Variants in CEP192 observed in about 807,000 individuals in gnomAD.
CEP192 encodes the protein centrosomal protein 192, also known as centrosomal protein of 192 kDa.
Under a neutral mutation model 271.8 loss-of-function variants are expected in CEP192, and 151 were observed. The observed-to-expected ratio is 0.56, with a 90% CI of 0.49 to 0.64. The LOEUF (loss-of-function observed/expected upper bound fraction) is 0.64. CEP192 is among the 30% of genes least tolerant of loss of function. The pLI, the probability that CEP192 is intolerant of heterozygous loss-of-function variation, is 0.00. For synonymous variants in CEP192, 995 were observed against 1,076.5 expected (o/e 0.92, Z 1.48); for missense variants, 2,910 against 3,020.5 (o/e 0.96, Z 0.86).
Position 13,005,773 on chromosome 18 carries a change from G to A in CEP192, c.291-2683G>A, listed in dbSNP as rs141947515. ...TCTCCTGGTGAGGGATGGCTTCTTT[G>A]ACCCCTTCTTGGGGAGGAGGGAATT... On this transcript the variant is annotated intron_variant, in intron 3 of 44. Transcript: ENST00000506447. 2.2e-4 allele frequency among the ~76,000 whole-genome samples: 34 copies of A among 152,312 alleles called. 1 individual carries two copies. The highest frequency in any genetic ancestry group is 7.7e-4 in the African/African-American group (32 of 41,568).
rs141710473 is a variant in CEP192 at position 13,087,286 on chromosome 18, A to G, written c.5877+9A>G. ...AGGAAAGAACACAAGAAGTAAGTAC[A>G]AAAGTTTCTGTGCTAAAAACATCAA... On this transcript the variant is annotated intron_variant, in intron 31 of 44. Transcript: ENST00000506447. The G allele has an allele frequency of 5.7e-4, 907 of 1,582,900 alleles. 8 individuals carry two copies. The African/African-American group carries it at 0.011, about 19-fold the overall frequency.
At chr18:13,096,911 A>G (rs1195677850) in intron 36 of CEP192, among the ~76,000 whole-genome samples, 2 of 152,218 alleles carry the variant, frequency 1.3e-5, no homozygotes, top group African/African-American at 4.8e-5. Context: ...GGAAAGCCAC[A>G]GTTCTGCAGC....
rs542416869 is a variant in CEP192, at chr18:13,059,228, G to A, written c.4404G>A (p.Ser1468=). The change falls in exon 21 of 45, where the codon TCG becomes TCA. Residue 1468 remains serine, a synonymous_variant. Coordinates refer to ENST00000506447, the MANE Select transcript of CEP192 (RefSeq NM_032142.4). ...TCAGTGTTGCTTCTTGGCCATGTTC[G>A]ACAGATGCTGAGACCATCGTACAGG... is the stretch of plus-strand genomic sequence containing the variant. ...CTFSVASWPC[S]TDAETIVQAE... 12 of 1,614,136 alleles carry A rather than the reference G, an allele frequency of 7.4e-6. No homozygotes were observed. In the Admixed American group the frequency reaches 8.3e-5, roughly 11 times the overall value.
rs148513661 is a variant in CEP192 at position 13,092,394 on chromosome 18, C to T, written c.6121C>T (p.Arg2041Ter). 1.3e-5 allele frequency: 21 copies of T among 1,595,336 alleles called. No homozygotes were observed. The highest frequency in any genetic ancestry group is 1.2e-4 in the South Asian group (11 of 88,250). Residue 2041 changes from arginine (R) to a stop codon, truncating the protein, a stop_gained, in exon 34 of 45, where the codon CGA (arginine) becomes TGA (stop). Coordinates refer to ENST00000506447, the MANE Select transcript of CEP192 (RefSeq NM_032142.4). LOFTEE classifies it high-confidence loss of function. ...TATTTCAGTATATGATCTTCCCCAA[C>T]GACCTAATGATGTTCAGCTCTTTTA... The part of the protein sequence containing the change: ...LVTEVYDLPQ[R>*]PNDVQLFYGS...
intron 36 of CEP192, among the ~76,000 whole-genome samples, chr18:13,097,645 TA>T: frequency 7.2e-6 from 1 of 138,400 alleles, no homozygotes; most frequent in African/African-American, 2.7e-5. Context: ...TTTTTTTAAC[TA>T]TTATTTTTTT....
chr18:13,068,223 A>C lies in CEP192; in HGVS notation c.4744A>C (p.Ser1582Arg), dbSNP rs377177481. 1.3e-5 allele frequency: 21 copies of C among 1,614,212 alleles called. No individual in the cohort carries two copies. The African/African-American group carries it at 2.1e-4, about 16-fold the overall frequency. ...PSVVNHMMPA[S>R]YDGQDPEFLM... is the part of the protein sequence containing the mutation. ...TGTGGTCAACCACATGATGCCTGCT[A>C]GTTATGATGGACAGGTGGGAGAGAA... Residue 1582 changes from serine to arginine, a missense_variant, in exon 23 of 45, where the codon AGT becomes CGT. By Grantham distance (110) the Ser-to-Arg change is moderately radical. Coordinates refer to ENST00000506447, the MANE Select transcript of CEP192 (RefSeq NM_032142.4).
In CEP192 at chr18:13,099,459, A is replaced by T. The variant is rs754181206; in HGVS notation, c.6558-17A>T. ...AATGCAGGCTCTTTTTAATTTTCTT[A>T]TTAATTTTTTTTAAAGGAGTAAACT... is the stretch of plus-strand genomic sequence containing the variant. On this transcript the variant is annotated splice_polypyrimidine_tract_variant and intron_variant, in intron 36 of 44. Transcript: ENST00000506447. 7.8e-7 allele frequency: 1 copy of T among 1,288,606 alleles called. No individual in the cohort carries two copies. Among genetic ancestry groups the T allele is most frequent in the Admixed American group, 2.1e-5 (1 of 46,628 alleles). The allele number at this position is 1,288,606 out of a possible 1,614,324, so 79.8% of individuals were successfully genotyped here.
At chr18:13,083,390 G>A (rs1019255789) in intron 30 of CEP192, among the ~76,000 whole-genome samples, 2 of 151,906 alleles carry the variant, frequency 1.3e-5, no homozygotes, top group African/African-American at 4.8e-5. Flanking sequence ...ATATCCTTTC[G>A]CCCACTTGAT....
intron 21 of CEP192, among the ~76,000 whole-genome samples, chr18:13,065,429 C>T (rs906739432): frequency 6.6e-6 from 1 of 152,060 alleles, no homozygotes; most frequent in Non-Finnish European, 1.5e-5. Context: ...AAAAATTGTT[C>T]ATTTTTTCCA....
intron 34 of CEP192, among the ~76,000 whole-genome samples, chr18:13,093,990 C>A (rs1259472290): frequency 1.3e-5 from 2 of 152,200 alleles, no homozygotes; most frequent in Non-Finnish European, 2.9e-5. Flanking sequence ...CTCTTTCTTA[C>A]CAATGACCTT....
In CEP192 at chr18:13,116,365, T is replaced by C; in HGVS notation, c.7290-12T>C. On this transcript the variant is annotated splice_polypyrimidine_tract_variant and intron_variant, in intron 42 of 44. Coordinates refer to ENST00000506447, the MANE Select transcript of CEP192 (RefSeq NM_032142.4). Reference sequence around the variant, plus strand: ...TTCAGATTCTTAACTTTTACACCTATTCCCAAAGCAGGCAGCTTGATGTGA... The same window carrying C: ...TTCAGATTCTTAACTTTTACACCTACTCCCAAAGCAGGCAGCTTGATGTGA... The C allele has an allele frequency of 6.2e-7, 1 of 1,610,544 alleles. No homozygotes were observed. Among genetic ancestry groups the C allele is most frequent in the East Asian group, 2.2e-5 (1 of 44,776 alleles).
intron 43 of CEP192, 72 bp downstream of exon 43, chr18:13,116,575 A>G: frequency 1.4e-6 from 2 of 1,388,300 alleles, no homozygotes; most frequent in African/African-American, 3.0e-5. Flanking sequence ...CATTTTCCTG[A>G]TGATTCTGTA....
intron 3 of CEP192, among the ~76,000 whole-genome samples, chr18:13,004,482 C>T (rs140305293): frequency 7.1e-4 from 108 of 152,174 alleles, no homozygotes; most frequent in African/African-American, 2.5e-3. Flanking sequence ...GGTAGGACTG[C>T]GGACAGTTCC....
chr18:13,044,412 G>A (rs530743450), intron 15 of CEP192, among the ~76,000 whole-genome samples: 1 of 148,270 alleles, frequency 6.7e-6, no homozygotes, highest in South Asian at 2.3e-4. Context: ...TTGATGCATG[G>A]TGTAAGGTTT....
intron 1 of CEP192, among the ~76,000 whole-genome samples, chr18:12,997,753 C>T (rs1188150595): frequency 6.6e-6 from 1 of 152,164 alleles, no homozygotes; most frequent in East Asian, 1.9e-4. Context: ...GGGATAGAGT[C>T]TCGCTCCATC....
At position 13,049,275 on chromosome 18, in the gene CEP192, T is replaced by C. The variant is rs781030631; in HGVS notation, c.2484T>C (p.Ser828=). ...AAGACATTCATCCGGTGGACTTAAG[T>C]GCTACTAGTGTAAGTGTGAGGGCAC... ...TTQDIHPVDL[S]ATSVSVRAPE... Residue 828 remains serine (S), a synonymous_variant, in exon 16 of 45, where the codon AGT becomes AGC. Coordinates refer to ENST00000506447, the MANE Select transcript of CEP192 (RefSeq NM_032142.4). The C allele has an allele frequency of 1.1e-5, 17 of 1,614,020 alleles. 1 individual carries two copies. In the Middle Eastern group the frequency reaches 4.9e-4, roughly 47 times the overall value.
At position 13,117,661 on chromosome 18, in the gene CEP192, C is replaced by CA. The variant is rs2040494386; in HGVS notation, c.7475+19dup. The CA allele has an allele frequency of 6.3e-7, 1 of 1,599,816 alleles. No individual in the cohort carries two copies. On this transcript the variant is annotated intron_variant, in intron 44 of 44. Coordinates refer to ENST00000506447, the MANE Select transcript of CEP192 (RefSeq NM_032142.4). ...TCTTTGAGGTAAGTTTATCGCAGAT[C>CA]ACAGTGTTCTCATCAGCGATGCAGG...
At position 13,057,029 on chromosome 18, in the gene CEP192, C is replaced by A. The variant is rs1481434646; in HGVS notation, c.4108+331C>A. 5.9e-5 allele frequency among the ~76,000 whole-genome samples: 9 copies of A among 152,256 alleles called. No homozygotes were observed. The East Asian group carries it at 1.5e-3, about 26-fold the overall frequency. On this transcript the variant is annotated intron_variant, in intron 19 of 44. Transcript: ENST00000506447. ...GAGTGAGTGCCTCCACCTTGTGAGT[C>A]TCTGGGTGGCTGCTGTGGTGGAGAG...
chr18:13,124,496 A>T, intron 44 of CEP192, 136 bp from the exon 45 acceptor site: 2 of 704,528 alleles, frequency 2.8e-6, no homozygotes, highest in Non-Finnish European at 2.1e-6. Flanking sequence ...GCATCCAAGA[A>T]ATCATAAATA....
Sources: gnomAD v4.1 joint callset for allele counts (sites outside exome capture counted in the v4.1 genomes callset) on GRCh38, gnomAD v4.1.1 for gene constraint, MANE v1.5 for transcripts, NCBI Gene and HGNC (gene_info 2026-07-23, HGNC 2026-07-21) for gene names.